Variants in TATDN1 observed in about 807,000 individuals in gnomAD.
TATDN1 encodes TatD DNase domain containing 1.
A neutral mutation model predicts 46.4 loss-of-function variants in TATDN1; 40 were observed. The observed-to-expected ratio is 0.86, with a 90% CI of 0.67 to 1.12. The LOEUF (loss-of-function observed/expected upper bound fraction) is 1.12. TATDN1 is among the 50% of genes most tolerant of loss of function. The pLI, the probability that TATDN1 is intolerant of heterozygous loss-of-function variation, is 0.00. For missense variants in TATDN1, 326 were observed against 348.4 expected (o/e 0.94, Z 0.51); for synonymous variants, 95 against 105.6 (o/e 0.90, Z 0.62).
At chr8:124,519,797 C>T (rs1284870830) in intron 3 of TATDN1, among the ~76,000 whole-genome samples, 2 of 152,090 alleles carry the variant, frequency 1.3e-5, no homozygotes, top group Non-Finnish European at 2.9e-5. Flanking sequence ...CATTAGAGTC[C>T]GCTCAGTAAT....
At chr8:124,524,459 C>A (rs1820310678) in intron 1 of TATDN1, among the ~76,000 whole-genome samples, 1 of 152,066 alleles carries the variant, frequency 6.6e-6, no homozygotes, top group South Asian at 2.1e-4. Context: ...ATAAATGGGG[C>A]AGACTGAGAA....
chr8:124,493,015 A>T (rs528804067), intron 11 of TATDN1, among the ~76,000 whole-genome samples: 80 of 152,242 alleles, frequency 5.3e-4, no homozygotes, highest in Non-Finnish European at 9.0e-4. Context: ...AACCTTTCAA[A>T]CATATTTTTA....
chr8:124,501,744 AAGAAC>A (rs528010483), intron 9 of TATDN1, among the ~76,000 whole-genome samples: 141 of 152,306 alleles, frequency 9.3e-4, no homozygotes, highest in African/African-American at 3.2e-3. Flanking sequence ...TGCCCAAGAA[AAGAAC>A]AGAAGAGAAA....
At chr8:124,513,255 T>A (rs1202726357) in intron 6 of TATDN1, among the ~76,000 whole-genome samples, 2 of 152,116 alleles carry the variant, frequency 1.3e-5, no homozygotes, top group African/African-American at 2.4e-5. Flanking sequence ...ATTAAAATTT[T>A]AAAAATCTCA....
intron 9 of TATDN1, among the ~76,000 whole-genome samples, chr8:124,497,321 T>C (rs538890175): frequency 6.6e-6 from 1 of 151,334 alleles, no homozygotes; most frequent in Non-Finnish European, 1.5e-5. Context: ...AGTCTCACTC[T>C]GTTGCCCAGG....
At chr8:124,520,161 G>A (rs1226790523) in intron 3 of TATDN1, among the ~76,000 whole-genome samples, 1 of 152,228 alleles carries the variant, frequency 6.6e-6, no homozygotes, top group Non-Finnish European at 1.5e-5. Flanking sequence ...GTAAGGCAGG[G>A]CGCAGTGGCT....
At chr8:124,488,818 A>AGTT in intron 11 of TATDN1, 122 bp from the exon 12 acceptor site, 1 of 655,594 alleles carries the variant, frequency 1.5e-6, no homozygotes, top group East Asian at 2.9e-5. Flanking sequence ...AAAGCTTAAC[A>AGTT]GTTATTAAGT....
chr8:124,493,792 TTAAC>T (rs1817222119), intron 11 of TATDN1, 37 bp downstream of exon 11: 5 of 1,560,810 alleles, frequency 3.2e-6, no homozygotes, highest in Non-Finnish European at 4.3e-6. Context: ...CATCTGGTGG[TTAAC>T]TAATGATTTT....
chr8:124,516,104 G>A, intron 4 of TATDN1, 74 bp from the exon 5 acceptor site: 1 of 1,258,096 alleles, frequency 7.9e-7, no homozygotes, highest in Non-Finnish European at 1.1e-6. Context: ...ATATTTAGAG[G>A]ATATCAAGTA....
intron 3 of TATDN1, among the ~76,000 whole-genome samples, chr8:124,520,393 T>A (rs1277867170): frequency 6.7e-6 from 1 of 150,160 alleles, no homozygotes. Flanking sequence ...GCCGAGATCG[T>A]GCCACTGCAC....
At chr8:124,512,408 G>A (rs1819102919) in intron 6 of TATDN1, among the ~76,000 whole-genome samples, 1 of 152,162 alleles carries the variant, frequency 6.6e-6, no homozygotes, top group Non-Finnish European at 1.5e-5. Context: ...CTGGGGGACA[G>A]AGTGAGACTC....
At chr8:124,532,492 C>G (rs1821052380) in intron 1 of TATDN1, among the ~76,000 whole-genome samples, 1 of 152,174 alleles carries the variant, frequency 6.6e-6, no homozygotes, top group South Asian at 2.1e-4. Context: ...CCATGTTGGT[C>G]AGGCTGGTCT....
intron 1 of TATDN1, among the ~76,000 whole-genome samples, chr8:124,531,210 T>C (rs1820922804): frequency 6.7e-6 from 1 of 149,616 alleles, no homozygotes; most frequent in South Asian, 2.1e-4. Context: ...CTCCTGTCAT[T>C]TGGCAGGAGA....
chr8:124,537,032 T>C (rs1438469099), intron 1 of TATDN1, among the ~76,000 whole-genome samples: 2 of 152,118 alleles, frequency 1.3e-5, no homozygotes, highest in Non-Finnish European at 2.9e-5. Context: ...AAGGAAACCA[T>C]ACAGAAAAAA....
chr8:124,490,498 A>G (rs1193063989), intron 11 of TATDN1, among the ~76,000 whole-genome samples: 1 of 152,084 alleles, frequency 6.6e-6, no homozygotes, highest in African/African-American at 2.4e-5. Flanking sequence ...CAACAGAGCG[A>G]GACTCTCTCT....
At chr8:124,503,103 T>C (rs1818116831) in intron 9 of TATDN1, among the ~76,000 whole-genome samples, 1 of 152,192 alleles carries the variant, frequency 6.6e-6, no homozygotes, top group Non-Finnish European at 1.5e-5. Flanking sequence ...GGAAACAACA[T>C]TTATATAGAC....
In TATDN1 at chr8:124,488,590, C is replaced by G. The variant is rs1407057444; in HGVS notation, c.*4G>C. On this transcript the variant is annotated 3_prime_UTR_variant, in exon 12 of 12. Coordinates refer to ENST00000276692, the MANE Select transcript of TATDN1 (RefSeq NM_032026.4). ...CATGATGGAAAGTGGAAGACATATA[C>G]CAATTATATTCCAGGAAAAAATACT... 1 of 1,405,548 alleles carries G rather than the reference C, an allele frequency of 7.1e-7. No homozygotes were observed. The highest frequency in any genetic ancestry group is 1.0e-6 in the Non-Finnish European group (1 of 1,003,362). 87.1% of individuals were successfully genotyped at this position (1,405,548 alleles called of 1,614,324 possible).
intron 2 of TATDN1, 70 bp from the exon 3 acceptor site, chr8:124,522,270 T>C: frequency 1.2e-6 from 1 of 869,516 alleles, no homozygotes; most frequent in Non-Finnish European, 1.9e-6. Flanking sequence ...TTAGCTTCTG[T>C]GCAAATGGCT....
chr8:124,518,795 TG>T, intron 4 of TATDN1, 22 bp downstream of exon 4: 1 of 1,575,020 alleles, frequency 6.3e-7, no homozygotes, highest in Non-Finnish European at 8.7e-7. Flanking sequence ...ATTTTTTTTT[TG>T]GTAAAAGAAA....
Sources: gnomAD v4.1 joint callset for allele counts (sites outside exome capture counted in the v4.1 genomes callset) on GRCh38, gnomAD v4.1.1 for gene constraint, MANE v1.5 for transcripts, NCBI Gene and HGNC (gene_info 2026-07-23, HGNC 2026-07-21) for gene names.